Variants in MICU1 observed in about 807,000 individuals in gnomAD.
The protein encoded by MICU1 is mitochondrial calcium uptake 1.
Under a neutral mutation model 56.8 loss-of-function variants are expected in MICU1, and 45 were observed. The ratio of observed to expected loss-of-function variants is 0.79; its 90% CI spans 0.62 to 1.02. MICU1 has a LOEUF of 1.02. Among genes scored for constraint, MICU1 ranks in the 50% least tolerant of loss-of-function variants. MICU1 has a pLI of 0.00. For missense variants in MICU1, 504 were observed against 587.1 expected (o/e 0.86, Z 1.46); for synonymous variants, 186 against 195.1 (o/e 0.95, Z 0.39).
intron 8 of MICU1, among the ~76,000 whole-genome samples, chr10:72,449,109 T>A (rs1010668550): frequency 6.6e-6 from 1 of 152,086 alleles, no homozygotes; most frequent in African/African-American, 2.4e-5. Context: ...ATTTAAAAAA[T>A]TTTTTAATCT....
chr10:72,520,855 C>T (rs187882904), intron 5 of MICU1, among the ~76,000 whole-genome samples: 5 of 152,126 alleles, frequency 3.3e-5, no homozygotes, highest in African/African-American at 1.2e-4. Context: ...AGTATCTGAA[C>T]GAGGTATTAT....
At chr10:72,397,627 G>A (rs2132080358) in intron 10 of MICU1, among the ~76,000 whole-genome samples, 1 of 152,256 alleles carries the variant, frequency 6.6e-6, no homozygotes, top group Admixed American at 6.5e-5. Flanking sequence ...AGCAGTGGTT[G>A]CAACCCTAGT....
intron 10 of MICU1, among the ~76,000 whole-genome samples, chr10:72,406,622 G>C (rs1863639536): frequency 6.7e-6 from 1 of 149,562 alleles, no homozygotes; most frequent in Non-Finnish European, 1.5e-5. Flanking sequence ...AAAAAAAAAA[G>C]AGAGAGATGG....
intron 9 of MICU1, among the ~76,000 whole-genome samples, chr10:72,422,754 A>C (rs1048168446): frequency 6.7e-6 from 1 of 149,400 alleles, no homozygotes; most frequent in Admixed American, 6.7e-5. Context: ...TCTGTTGCCC[A>C]GGCTGGAGTT....
At chr10:72,479,986 G>A (rs1866241070) in intron 6 of MICU1, among the ~76,000 whole-genome samples, 2 of 152,302 alleles carry the variant, frequency 1.3e-5, no homozygotes, top group South Asian at 4.1e-4. Flanking sequence ...CAGAAAATAT[G>A]AAGCCACTGA....
intron 5 of MICU1, among the ~76,000 whole-genome samples, chr10:72,511,454 G>C (rs2132354665): frequency 6.6e-6 from 1 of 152,294 alleles, no homozygotes. Context: ...GAATGAGACA[G>C]AACACTTTGA....
chr10:72,592,950 T>A (rs1841270446), intron 1 of MICU1, among the ~76,000 whole-genome samples: 1 of 152,016 alleles, frequency 6.6e-6, no homozygotes, highest in African/African-American at 2.4e-5. Context: ...GCCTGGCTAA[T>A]TCCTTTTGTA....
chr10:72,586,021 T>C (rs1841048014), intron 1 of MICU1, among the ~76,000 whole-genome samples: 1 of 133,362 alleles, frequency 7.5e-6, no homozygotes, highest in Non-Finnish European at 1.6e-5. Flanking sequence ...TTCTTTTTTT[T>C]TTTTTTTTTT....
intron 10 of MICU1, among the ~76,000 whole-genome samples, chr10:72,385,464 T>C (rs1486508987): frequency 6.6e-6 from 1 of 152,050 alleles, no homozygotes; most frequent in African/African-American, 2.4e-5. Context: ...CACTCTAGCC[T>C]AGGTGACAGA....
chr10:72,418,112 G>T (rs1452521020), intron 9 of MICU1, among the ~76,000 whole-genome samples: 2 of 152,118 alleles, frequency 1.3e-5, no homozygotes, highest in African/African-American at 4.8e-5. Flanking sequence ...ATGAGAACAG[G>T]ATGGGGGAAA....
intron 5 of MICU1, among the ~76,000 whole-genome samples, chr10:72,520,888 C>A (rs1445848666): frequency 6.6e-6 from 1 of 152,066 alleles, no homozygotes; most frequent in Non-Finnish European, 1.5e-5. Context: ...AGGAGAAAAT[C>A]TTCAACTCTA....
intron 9 of MICU1, among the ~76,000 whole-genome samples, chr10:72,417,057 T>C (rs1564855119): frequency 6.6e-6 from 1 of 152,204 alleles, no homozygotes; most frequent in Non-Finnish European, 1.5e-5. Flanking sequence ...GCTTGGCACA[T>C]AGTGGCTGAT....
At chr10:72,602,001 T>C (rs748346284) in intron 1 of MICU1, among the ~76,000 whole-genome samples, 2 of 150,710 alleles carry the variant, frequency 1.3e-5, no homozygotes, top group African/African-American at 4.9e-5. Flanking sequence ...GGTTTCACCA[T>C]ATTGGCCAGG....
At chr10:72,617,137 C>T (rs1169494108) in intron 1 of MICU1, among the ~76,000 whole-genome samples, 1 of 152,120 alleles carries the variant, frequency 6.6e-6, no homozygotes, top group Non-Finnish European at 1.5e-5. Context: ...AAATAGAAGA[C>T]CAGTTTTTTT....
chr10:72,514,857 G>A (rs1867597099), intron 5 of MICU1, among the ~76,000 whole-genome samples: 6 of 152,146 alleles, frequency 3.9e-5, no homozygotes. Context: ...ATATGGTGAA[G>A]CATTTCAAAT....
At chr10:72,465,126 G>A (rs1428633780) in intron 8 of MICU1, among the ~76,000 whole-genome samples, 1 of 151,574 alleles carries the variant, frequency 6.6e-6, no homozygotes, top group Non-Finnish European at 1.5e-5. Context: ...TCAGCCTCCC[G>A]AGTAGCTGGA....
intron 1 of MICU1, among the ~76,000 whole-genome samples, chr10:72,619,779 G>A (rs752292543): frequency 2.6e-5 from 4 of 152,102 alleles, no homozygotes; most frequent in East Asian, 1.9e-4. Context: ...AACGATGAAC[G>A]GCAGCTCACC....
intron 10 of MICU1, 36 bp downstream of exon 10, chr10:72,407,893 C>T: frequency 7.0e-7 from 1 of 1,428,184 alleles, no homozygotes; most frequent in Non-Finnish European, 9.8e-7. Context: ...ATCCAATGTT[C>T]ATACCTTCAA....
chr10:72,551,315 T>G lies in MICU1; in HGVS notation c.357A>C (p.Arg119=). Residue 119 remains arginine (R), a synonymous_variant, in exon 4 of 12, where the codon CGA becomes CGC. Transcript: ENST00000361114. The stretch of plus-strand genomic sequence containing the variant: ...AGATTTTGTCTGGCGTGGAGTAGGC[T>G]CGAATCCTATTCTCATATTCCATCA... ...RKVMEYENRI[R]AYSTPDKIFR... is the part of the protein sequence containing the mutation. 6.2e-7 allele frequency: 1 copy of G among 1,611,430 alleles called. No homozygotes were observed. The highest frequency in any genetic ancestry group is 8.5e-7 in the Non-Finnish European group (1 of 1,178,906).
Sources: allele counts gnomAD v4.1 joint callset (sites outside exome capture counted in the v4.1 genomes callset), GRCh38; gene constraint gnomAD v4.1.1; transcripts MANE v1.5; gene names NCBI Gene and HGNC (gene_info 2026-07-23, HGNC 2026-07-21).